The following COPS3 variants were observed in gnomAD, a reference collection of about 807,000 sequenced individuals.
COPS3 encodes the protein COP9 signalosome complex subunit 3.
In COPS3, 10 loss-of-function variants were observed where a neutral mutation model predicts 58.2. The observed-to-expected ratio is 0.17, with a 90% CI of 0.11 to 0.29. COPS3 has a LOEUF of 0.29. COPS3 is among the 10% of genes least tolerant of loss of function. The probability of loss-of-function intolerance (pLI) is 1.00; values close to 1 mark genes in which losing one functional copy is unlikely to be tolerated. For synonymous variants in COPS3, 187 were observed against 181.7 expected (o/e 1.03, Z -0.24); for missense variants, 333 against 510.1 (o/e 0.65, Z 3.34).
At chr17:17,280,582 G>A (rs1171786826) in intron 1 of COPS3, 2 of 1,291,082 alleles carry the variant, frequency 1.5e-6, no homozygotes, top group African/African-American at 3.1e-5. Context: ...ACGAGCGAGA[G>A]CTTCCGCAGC....
At chr17:17,280,885 G>T (rs1597713403) in intron 1 of COPS3, 1 of 1,007,464 alleles carries the variant, frequency 9.9e-7, no homozygotes, top group Non-Finnish European at 1.4e-6. Context: ...GCCCAGGCCG[G>T]GGGGAGGGGG....
intron 2 of COPS3, among the ~76,000 whole-genome samples, chr17:17,273,107 A>G (rs984553546): frequency 1.3e-5 from 2 of 152,224 alleles, no homozygotes; most frequent in African/African-American, 2.4e-5. Flanking sequence ...TTGAAATGAT[A>G]TAAATAAACT....
chr17:17,261,768 G>A, intron 7 of COPS3, 198 bp downstream of exon 7: 1 of 511,662 alleles, frequency 2.0e-6, no homozygotes, highest in South Asian at 2.4e-5. Context: ...GCACAAGTTT[G>A]AAAACGGGTT....
intron 1 of COPS3, chr17:17,280,891 G>A: frequency 1.0e-6 from 1 of 981,056 alleles, no homozygotes; most frequent in Non-Finnish European, 1.4e-6. Flanking sequence ...GCCGGGGGGA[G>A]GGGGCTCCCG....
In COPS3 at chr17:17,281,218, C is replaced by A. The variant is rs776548045; in HGVS notation, c.-32G>T. The stretch of plus-strand genomic sequence containing the variant: ...CCCCGGGCGGCCCGAGCGGCGAAGG[C>A]AGCACGCGCGGGAAAAGGCTGCCGC... On this transcript the variant is annotated 5_prime_UTR_variant, in exon 1 of 12. Transcript: ENST00000268717. 2 of 1,599,436 alleles carry A rather than the reference C, an allele frequency of 1.3e-6. No individual in the cohort carries two copies. The highest frequency in any genetic ancestry group is 1.7e-5 in the Admixed American group (1 of 57,946).
intron 9 of COPS3, among the ~76,000 whole-genome samples, chr17:17,252,406 A>G (rs1375438799): frequency 1.3e-5 from 2 of 150,896 alleles, no homozygotes; most frequent in Non-Finnish European, 3.0e-5. Flanking sequence ...CTGGGTACAG[A>G]TAACGCTTTG....
Position 17,247,534 on chromosome 17 carries a change from C to T in COPS3, c.1164G>A (p.Glu388=), listed in dbSNP as rs1234422199. ...TCTCCTGGTCCATGGCTTTCAGCCG[C>T]TCATCCAGCTCAATGCACTTCAGCA... is the stretch of plus-strand genomic sequence containing the variant. ...QEMLKCIELD[E]RLKAMDQEIT... Residue 388 remains glutamate (E), a synonymous_variant, in exon 11 of 12, where the codon GAG becomes GAA. Coordinates refer to ENST00000268717, the MANE Select transcript of COPS3 (RefSeq NM_003653.4). 1 of 1,614,230 alleles carries T rather than the reference C, an allele frequency of 6.2e-7. No individual in the cohort carries two copies. The highest frequency in any genetic ancestry group is 8.5e-7 in the Non-Finnish European group (1 of 1,180,042).
At chr17:17,256,349 T>C (rs1427019193) in intron 8 of COPS3, among the ~76,000 whole-genome samples, 1 of 152,162 alleles carries the variant, frequency 6.6e-6, no homozygotes, top group East Asian at 1.9e-4. Flanking sequence ...GTATAATCTA[T>C]TAAATATAAT....
At chr17:17,260,694 T>C (rs1219303350) in intron 7 of COPS3, 6 of 321,160 alleles carry the variant, frequency 1.9e-5, no homozygotes, top group South Asian at 1.5e-4. Flanking sequence ...TCCCAGCTAC[T>C]TGGGAGGCTG....
chr17:17,273,915 G>T (rs2048404672), intron 2 of COPS3, among the ~76,000 whole-genome samples: 1 of 152,222 alleles, frequency 6.6e-6, no homozygotes, highest in Non-Finnish European at 1.5e-5. Flanking sequence ...TACCCAGGAG[G>T]CTAAAGTGGG....
At chr17:17,251,635 T>C (rs747011453) in intron 9 of COPS3, among the ~76,000 whole-genome samples, 32 of 152,218 alleles carry the variant, frequency 2.1e-4, no homozygotes, top group Non-Finnish European at 4.0e-4. Context: ...CACTGGAACA[T>C]TGTAGCCCTG....
chr17:17,251,807 C>T lies in COPS3; in HGVS notation c.1024-2768G>A, dbSNP rs116143921. Among the ~76,000 whole-genome samples, 1,099 of 151,582 alleles carry T rather than the reference C, an allele frequency of 7.3e-3. 12 individuals carry two copies. Among genetic ancestry groups the T allele is most frequent in the African/African-American group, 0.026 (1,055 of 41,330 alleles). ...GATGTTAGAAGTCAGGATGGGAGGC[C>T]GGGCACGGTGGCTCATGCCTGTAAT... is the stretch of plus-strand genomic sequence containing the variant. On this transcript the variant is annotated intron_variant, in intron 9 of 11. Transcript: ENST00000268717.
At chr17:17,258,582 T>C (rs138571986) in intron 8 of COPS3, among the ~76,000 whole-genome samples, 278 of 152,324 alleles carry the variant, frequency 1.8e-3, no homozygotes, top group African/African-American at 6.3e-3. Flanking sequence ...CTTCAATTAC[T>C]AGTCACAAAC....
chr17:17,253,517 A>C (rs1264804060), intron 9 of COPS3, among the ~76,000 whole-genome samples: 3 of 152,132 alleles, frequency 2.0e-5, no homozygotes, highest in South Asian at 4.1e-4. Context: ...GTGTCAGGGC[A>C]CTGGTGCTAT....
At chr17:17,266,223 C>T (rs1417400471) in intron 5 of COPS3, among the ~76,000 whole-genome samples, 7 of 152,156 alleles carry the variant, frequency 4.6e-5, no homozygotes, top group South Asian at 2.1e-4. Context: ...ATACTCCGTA[C>T]CTGTAGAGTA....
chr17:17,280,425 T>C, intron 1 of COPS3: 1 of 426,278 alleles, frequency 2.3e-6, no homozygotes, highest in Non-Finnish European at 3.3e-6. Context: ...CCGTGTGAGC[T>C]GGCGGGCGCC....
chr17:17,252,499 G>A (rs1404973114), intron 9 of COPS3, among the ~76,000 whole-genome samples: 1 of 151,532 alleles, frequency 6.6e-6, no homozygotes, highest in African/African-American at 2.4e-5. Flanking sequence ...AGCATCCCTG[G>A]CCCGTACCCA....
intron 5 of COPS3, 33 bp downstream of exon 5, chr17:17,267,852 A>C: frequency 6.2e-7 from 1 of 1,607,758 alleles, no homozygotes; most frequent in Non-Finnish European, 8.5e-7. Flanking sequence ...TACACCTCTG[A>C]CTTGGTGTGA....
intron 5 of COPS3, 53 bp from the exon 6 acceptor site, chr17:17,265,034 TAGC>T (rs2048190542): frequency 6.8e-7 from 1 of 1,479,024 alleles, no homozygotes; most frequent in East Asian, 2.3e-5. Context: ...AGGCAGGTAT[TAGC>T]AGAAGGAGAA....
Sources: allele counts gnomAD v4.1 joint callset (sites outside exome capture counted in the v4.1 genomes callset), GRCh38; gene constraint gnomAD v4.1.1; transcripts MANE v1.5; gene names NCBI Gene and HGNC (gene_info 2026-07-23, HGNC 2026-07-21).